RPSA2: variants seen among roughly 807,000 people sequenced by gnomAD.
RPSA2 encodes the protein ribosomal protein SA 2, also known as small ribosomal subunit protein uS2B.
At chr19:23,771,492 A>G in the RPSA2 span, among the ~76,000 whole-genome samples, 4 of 152,184 alleles carry the variant, frequency 2.6e-5, no homozygotes, top group African/African-American at 4.8e-5. Flanking sequence ...TGTTAATCTC[A>G]TACCTCCACC....
chr19:23,855,628 A>G, the RPSA2 span, among the ~76,000 whole-genome samples: 148,536 of 151,886 alleles, frequency 0.98, 72,717 homozygotes, highest in Middle Eastern at 1. Flanking sequence ...TAGATAAGGG[A>G]AACTGAGGTT....
At chr19:23,833,844 ATCT>A in the RPSA2 span, among the ~76,000 whole-genome samples, 2 of 152,092 alleles carry the variant, frequency 1.3e-5, no homozygotes, top group Non-Finnish European at 2.9e-5. Flanking sequence ...TGTATCAGAA[ATCT>A]TATTGTACAC....
chr19:23,853,030 G>A, the RPSA2 span, among the ~76,000 whole-genome samples: 35 of 152,192 alleles, frequency 2.3e-4, 2 homozygotes, highest in South Asian at 5.6e-3. Context: ...GAAGAATATA[G>A]GCCTGGGGAA....
At chr19:23,851,311 G>A in the RPSA2 span, among the ~76,000 whole-genome samples, 1 of 152,136 alleles carries the variant, frequency 6.6e-6, no homozygotes, top group Non-Finnish European at 1.5e-5. Context: ...CCTCTTTCCA[G>A]GTGAGAGCAA....
chr19:23,765,603 G>A, the RPSA2 span, among the ~76,000 whole-genome samples: 1 of 152,082 alleles, frequency 6.6e-6, no homozygotes, highest in African/African-American at 2.4e-5. Context: ...ACATAGACCC[G>A]TAGAGGGGAA....
chr19:23,782,818 A>G, the RPSA2 span, among the ~76,000 whole-genome samples: 1 of 152,066 alleles, frequency 6.6e-6, no homozygotes, highest in African/African-American at 2.4e-5. Flanking sequence ...CACCTAGGCT[A>G]TGTCTCTCCT....
the RPSA2 span, chr19:23,827,049 C>A: frequency 5.7e-6 from 4 of 697,544 alleles, no homozygotes; most frequent in Non-Finnish European, 1.0e-5. Flanking sequence ...ATTTGCATTG[C>A]TTTTACCTAT....
chr19:23,833,588 C>T, the RPSA2 span, among the ~76,000 whole-genome samples: 8 of 152,126 alleles, frequency 5.3e-5, no homozygotes, highest in Admixed American at 3.3e-4. Flanking sequence ...AACTAATGCT[C>T]ACACGTTATT....
the RPSA2 span, among the ~76,000 whole-genome samples, chr19:23,776,034 G>A: frequency 2.0e-5 from 3 of 152,290 alleles, no homozygotes; most frequent in South Asian, 6.2e-4. Context: ...CCTAAGTGAT[G>A]TAACTCTGTT....
At chr19:23,816,576 A>G in the RPSA2 span, among the ~76,000 whole-genome samples, 1 of 152,118 alleles carries the variant, frequency 6.6e-6, no homozygotes, top group Non-Finnish European at 1.5e-5. Context: ...ATGTGCTTCA[A>G]TTATTTTTCT....
chr19:23,831,622 C>T, the RPSA2 span: 2 of 182,032 alleles, frequency 1.1e-5, no homozygotes, highest in East Asian at 3.4e-4. Flanking sequence ...TTGCTTAAGA[C>T]CTCTGGCCAG....
At chr19:23,802,640 C>G in the RPSA2 span, among the ~76,000 whole-genome samples, 1 of 152,184 alleles carries the variant, frequency 6.6e-6, no homozygotes, top group Admixed American at 6.5e-5. Context: ...ATGAGAGTTT[C>G]TCTGGTTCCC....
At chr19:23,810,502 T>C in the RPSA2 span, among the ~76,000 whole-genome samples, 140,744 of 143,824 alleles carry the variant, frequency 0.98, 68,990 homozygotes, top group Middle Eastern at 1. Context: ...CTTTGCTGTG[T>C]ATTGCAGACC....
At chr19:23,813,310 T>G in the RPSA2 span, among the ~76,000 whole-genome samples, 2 of 151,672 alleles carry the variant, frequency 1.3e-5, no homozygotes, top group Non-Finnish European at 2.9e-5. Context: ...TTCTAGAAAT[T>G]TTATATCTTG....
the RPSA2 span, among the ~76,000 whole-genome samples, chr19:23,850,677 C>T: frequency 5.3e-5 from 8 of 151,868 alleles, no homozygotes; most frequent in Admixed American, 4.6e-4. Context: ...ACGTTATAAT[C>T]GCTCCAGGTT....
At chr19:23,805,143 ACACACACACACACACAC>A in the RPSA2 span, among the ~76,000 whole-genome samples, 1 of 8,452 alleles carries the variant, frequency 1.2e-4, no homozygotes, top group African/African-American at 1.7e-4. Context: ...ACACACACAC[ACACACACACACACACAC>A]ACACTTTTTT....
the RPSA2 span, among the ~76,000 whole-genome samples, chr19:23,813,140 G>A: frequency 4.7e-5 from 7 of 150,124 alleles, no homozygotes; most frequent in African/African-American, 1.5e-4. Flanking sequence ...GAGAATGAGG[G>A]GCAGGGTTAC....
At chr19:23,799,649 T>C in the RPSA2 span, among the ~76,000 whole-genome samples, 3 of 52,054 alleles carry the variant, frequency 5.8e-5, no homozygotes, top group Admixed American at 2.6e-4. Flanking sequence ...CGGAGTACTG[T>C]AACCCCGTCC....
the RPSA2 span, among the ~76,000 whole-genome samples, chr19:23,869,617 G>A: frequency 9.9e-5 from 15 of 152,158 alleles, no homozygotes; most frequent in Admixed American, 6.5e-4. Flanking sequence ...TTGGTGGCAA[G>A]CTTTGAATAC....
Sources: gnomAD v4.1 joint callset for allele counts (sites outside exome capture counted in the v4.1 genomes callset) on GRCh38, gnomAD v4.1.1 for gene constraint, MANE v1.5 for transcripts, NCBI Gene and HGNC (gene_info 2026-07-23, HGNC 2026-07-21) for gene names.